Variants in SLCO1C1 observed in about 807,000 individuals in gnomAD.
SLCO1C1 encodes the protein solute carrier organic anion transporter family member 1C1.
SLCO1C1 carries 70 observed loss-of-function variants against 76.4 expected under a neutral mutation model. The ratio of observed to expected loss-of-function variants is 0.92; its 90% CI spans 0.76 to 1.12. The LOEUF is 1.12. SLCO1C1 is among the 50% of genes most tolerant of loss of function. The pLI is 0.00. For missense variants in SLCO1C1, 912 were observed against 823.8 expected, an observed-to-expected ratio of 1.11 and a Z score of -1.31; for synonymous variants, 306 against 286.1, an observed-to-expected ratio of 1.07 and a Z score of -0.70.
At chr12:20,740,960 G>C (rs984540711) in intron 12 of SLCO1C1, among the ~76,000 whole-genome samples, 18 of 151,472 alleles carry the variant, frequency 1.2e-4, no homozygotes, top group Non-Finnish European at 2.4e-4. Context: ...ACCCGAGATG[G>C]GGTAATTTAT....
At chr12:20,742,700 A>AT (rs5796883) in intron 12 of SLCO1C1, among the ~76,000 whole-genome samples, 84 of 141,196 alleles carry the variant, frequency 5.9e-4, no homozygotes, top group African/African-American at 1.5e-3. Flanking sequence ...TGCCCAGCTA[A>AT]TTTTTTTTTT....
intron 13 of SLCO1C1, among the ~76,000 whole-genome samples, chr12:20,746,097 T>A (rs1323559692): frequency 6.6e-6 from 1 of 151,976 alleles, no homozygotes; most frequent in Admixed American, 6.6e-5. Context: ...ATTATGGGAC[T>A]TTTTTTATAC....
chr12:20,747,586 G>A (rs919193815), intron 13 of SLCO1C1, among the ~76,000 whole-genome samples: 6 of 145,406 alleles, frequency 4.1e-5, no homozygotes, highest in Admixed American at 1.4e-4. Context: ...CTTAAACCAC[G>A]TACAGAAAAT....
chr12:20,723,199 A>G lies in SLCO1C1; in HGVS notation c.1131A>G (p.Pro377=). The change falls in exon 9 of 15, where the codon CCA becomes CCG. Residue 377 remains proline, a synonymous_variant. Transcript: ENST00000266509. ...TGTTCGGCATGGTGACGTACAAACC[A>G]AAGTACATTGAGCAGCAGTATGGAC... The part of the protein sequence containing the change: ...NSLFGMVTYK[P]KYIEQQYGQS... The G allele has an allele frequency of 6.2e-7, 1 of 1,614,134 alleles. No individual in the cohort carries two copies. Among genetic ancestry groups the G allele is most frequent in the East Asian group, 2.2e-5 (1 of 44,886 alleles).
chr12:20,739,527 G>A (rs181914773), intron 11 of SLCO1C1, among the ~76,000 whole-genome samples: 24 of 152,188 alleles, frequency 1.6e-4, no homozygotes, highest in Admixed American at 3.3e-4. Context: ...TAGCAGGGCC[G>A]TGAGGCATGG....
intron 9 of SLCO1C1, among the ~76,000 whole-genome samples, chr12:20,727,533 A>G (rs1284066248): frequency 6.7e-6 from 1 of 148,506 alleles, no homozygotes; most frequent in African/African-American, 2.4e-5. Flanking sequence ...TTTTTGAGCC[A>G]GAGTCTCGCT....
At position 20,752,589 on chromosome 12, in the gene SLCO1C1, G is replaced by A. The variant is rs1301562167; in HGVS notation, c.*61G>A. On this transcript the variant is annotated 3_prime_UTR_variant, in exon 15 of 15. Transcript: ENST00000266509. ...TTGACATTTTGCAAACAAATAAATT[G>A]TAATCAAAAGAGCTCTAAATTTGTA... 4.5e-6 allele frequency: 6 copies of A among 1,339,462 alleles called. No homozygotes were observed. The highest frequency in any genetic ancestry group is 6.1e-6 in the Non-Finnish European group (6 of 988,890). The allele number at this position is 1,339,462 out of a possible 1,614,324, so 83.0% of individuals were successfully genotyped here. A position where few individuals can be genotyped will look rare whatever the true frequency, so the allele number is the denominator to read the frequency against.
chr12:20,726,679 T>G (rs930505981), intron 9 of SLCO1C1, among the ~76,000 whole-genome samples: 1 of 152,096 alleles, frequency 6.6e-6, no homozygotes, highest in Non-Finnish European at 1.5e-5. Context: ...TTTTCTTTTG[T>G]CTTTTATTTA....
chr12:20,721,762 C>T (rs1947684444), intron 7 of SLCO1C1, 42 bp from the exon 8 acceptor site: 1 of 1,596,538 alleles, frequency 6.3e-7, no homozygotes, highest in East Asian at 2.2e-5. Flanking sequence ...AACATATTAG[C>T]TTTGCTGTTT....
chr12:20,704,084 G>C (rs1305063573), intron 3 of SLCO1C1, among the ~76,000 whole-genome samples: 1 of 151,234 alleles, frequency 6.6e-6, no homozygotes, highest in Non-Finnish European at 1.5e-5. Flanking sequence ...TTTTTTGTGA[G>C]AGGCTAATGA....
At chr12:20,717,050 C>A in intron 6 of SLCO1C1, 82 bp from the exon 7 acceptor site, 1 of 1,249,692 alleles carries the variant, frequency 8.0e-7, no homozygotes, top group Non-Finnish European at 1.1e-6. Context: ...CTGGATCACA[C>A]ATTTCTTGTT....
intron 7 of SLCO1C1, among the ~76,000 whole-genome samples, chr12:20,718,574 A>G (rs1167633223): frequency 2.0e-5 from 3 of 152,198 alleles, no homozygotes. Flanking sequence ...GCTGATTTGA[A>G]TGAGTCTCGA....
At chr12:20,742,710 T>C (rs1453448314) in intron 12 of SLCO1C1, among the ~76,000 whole-genome samples, 6 of 151,348 alleles carry the variant, frequency 4.0e-5, no homozygotes, top group Non-Finnish European at 7.4e-5. Flanking sequence ...ATTTTTTTTT[T>C]TTTTTTTTTT....
Position 20,737,255 on chromosome 12 carries a change from A to G in SLCO1C1, c.1531A>G (p.Arg511Gly). The part of the protein sequence containing the change: ...ACLAGCQTSN[R>G]SGKNIIFYNC... Reference sequence around the variant, plus strand: ...TCTTGCTGGTTGTCAAACCTCCAACAGGAGTGGAAAAAATATTGTAAGAAA... The same window carrying G: ...TCTTGCTGGTTGTCAAACCTCCAACGGGAGTGGAAAAAATATTGTAAGAAA... Residue 511 changes from arginine (R) to glycine (G), a missense_variant, in exon 11 of 15, where the codon AGG (arginine) becomes GGG (glycine). Physicochemically the swap from Arg to Gly is moderately radical, Grantham distance 125. Transcript: ENST00000266509. 6.4e-7 allele frequency: 1 copy of G among 1,560,414 alleles called. No homozygotes were observed. The highest frequency in any genetic ancestry group is 1.2e-5 in the South Asian group (1 of 81,346).
chr12:20,752,391 T>C lies in SLCO1C1; in HGVS notation c.2002T>C (p.Tyr668His), dbSNP rs142350507. The C allele has an allele frequency of 6.1e-5, 99 of 1,613,362 alleles. No homozygotes were observed. In the African/African-American group the frequency reaches 1.1e-3, roughly 18 times the overall value. The change falls in exon 15 of 15, where the codon TAT (tyrosine) becomes CAT (histidine). Residue 668 changes from tyrosine (Y) to histidine (H), a missense_variant. Physicochemically the swap from Tyr to His is moderately conservative, Grantham distance 83 (BLOSUM62 2). Coordinates refer to ENST00000266509, the MANE Select transcript of SLCO1C1 (RefSeq NM_017435.5). ...IAVLFILKKNYVSKHRSFITK... is the reference protein window; with the variant it reads ...IAVLFILKKNHVSKHRSFITK... ...AGTACTTTTCATTTTAAAGAAAAATTATGTTTCAAAACACAGAAGTTTTAT... is the reference window on the plus strand; with the variant it reads ...AGTACTTTTCATTTTAAAGAAAAATCATGTTTCAAAACACAGAAGTTTTAT...
chr12:20,752,560 T>C lies in SLCO1C1; in HGVS notation c.*32T>C, dbSNP rs754680431. The C allele has an allele frequency of 2.0e-6, 3 of 1,493,238 alleles. No individual in the cohort carries two copies. The highest frequency in any genetic ancestry group is 1.3e-5 in the South Asian group (1 of 76,124). 92.5% of individuals were successfully genotyped at this position (1,493,238 alleles called of 1,614,324 possible). A position where few individuals can be genotyped will look rare whatever the true frequency, so the allele number is the denominator to read the frequency against. The stretch of plus-strand genomic sequence containing the variant: ...GATGACTGGAAGTCATGTCTTCTAA[T>C]TGGTTGACATTTTGCAAACAAATAA... On this transcript the variant is annotated 3_prime_UTR_variant, in exon 15 of 15. Transcript: ENST00000266509.
intron 13 of SLCO1C1, among the ~76,000 whole-genome samples, chr12:20,748,378 G>C (rs1038379901): frequency 1.3e-5 from 2 of 152,108 alleles, no homozygotes; most frequent in African/African-American, 4.8e-5. Flanking sequence ...ATATTTTGCT[G>C]AATCATTTGA....
At chr12:20,719,416 C>G (rs544985067) in intron 7 of SLCO1C1, among the ~76,000 whole-genome samples, 3 of 152,120 alleles carry the variant, frequency 2.0e-5, no homozygotes, top group Admixed American at 6.5e-5. Context: ...AAAAGGAAAG[C>G]TAGAAAAGAT....
intron 4 of SLCO1C1, 55 bp downstream of exon 4, chr12:20,706,136 CT>C: frequency 6.6e-7 from 1 of 1,517,812 alleles, no homozygotes; most frequent in Non-Finnish European, 8.8e-7. Context: ...GCATTTCTCC[CT>C]TTTATGATGA....
Sources: allele counts gnomAD v4.1 joint callset (sites outside exome capture counted in the v4.1 genomes callset), GRCh38; gene constraint gnomAD v4.1.1; transcripts MANE v1.5; gene names NCBI Gene and HGNC (gene_info 2026-07-23, HGNC 2026-07-21).